GPD1L: variants seen among roughly 807,000 people sequenced by gnomAD.
GPD1L encodes glycerol-3-phosphate dehydrogenase 1-like protein.
A neutral mutation model predicts 32.9 loss-of-function variants in GPD1L; 17 were observed. That is an observed-to-expected ratio of 0.52 (90% CI 0.35 to 0.78). GPD1L has a LOEUF of 0.78. GPD1L is among the 30% of genes least tolerant of loss of function. GPD1L has a pLI of 0.01. For missense variants in GPD1L, 361 were observed against 447.8 expected (o/e 0.81, Z 1.75); for synonymous variants, 187 against 165.9 (o/e 1.13, Z -0.98).
rs1311470307 is a variant in GPD1L, at chr3:32,166,991, G to A, written c.*1081G>A. ...GCAGCAGCATCAGCTTCACTTGTGG[G>A]GGGGTGGGGGAAGGGGCGGTCTCAG... On this transcript the variant is annotated 3_prime_UTR_variant, in exon 8 of 8. Coordinates refer to ENST00000282541, the MANE Select transcript of GPD1L (RefSeq NM_015141.4). 1 of 152,306 alleles carries A rather than the reference G, an allele frequency of 6.6e-6. No homozygotes were observed. The highest frequency in any genetic ancestry group is 2.1e-4 in the South Asian group (1 of 4,830). The allele number at this position is 152,306 out of a possible 1,614,324, so 9.4% of individuals were successfully genotyped here. A position where few individuals can be genotyped will look rare whatever the true frequency, so the allele number is the denominator to read the frequency against.
chr3:32,109,383 C>T (rs181098752), intron 1 of GPD1L, among the ~76,000 whole-genome samples: 180 of 152,318 alleles, frequency 1.2e-3, no homozygotes, highest in Middle Eastern at 3.4e-3. Flanking sequence ...GCCTCCTGCC[C>T]CCTCTGCTGG....
intron 4 of GPD1L, among the ~76,000 whole-genome samples, chr3:32,145,914 T>C (rs1700813770): frequency 6.6e-6 from 1 of 151,886 alleles, no homozygotes; most frequent in Admixed American, 6.6e-5. Flanking sequence ...AAAAGTAGAG[T>C]AGTATCACGA....
intron 5 of GPD1L, among the ~76,000 whole-genome samples, chr3:32,153,092 T>C (rs1173375854): frequency 6.6e-6 from 1 of 152,190 alleles, no homozygotes; most frequent in Admixed American, 6.5e-5. Context: ...CAGCCCGTGG[T>C]ACAGGCTGGT....
intron 7 of GPD1L, among the ~76,000 whole-genome samples, chr3:32,161,741 C>T (rs1384820936): frequency 6.6e-6 from 1 of 152,186 alleles, no homozygotes; most frequent in African/African-American, 2.4e-5. Context: ...CTGCTCTGAG[C>T]AGACATCTCT....
intron 1 of GPD1L, among the ~76,000 whole-genome samples, chr3:32,118,372 T>C (rs1163723761): frequency 6.6e-6 from 1 of 152,206 alleles, no homozygotes; most frequent in East Asian, 1.9e-4. Context: ...TCAATGTGCA[T>C]GTGAATCTCT....
intron 7 of GPD1L, among the ~76,000 whole-genome samples, chr3:32,163,934 T>C (rs577883252): frequency 1.3e-5 from 2 of 152,352 alleles, no homozygotes; most frequent in South Asian, 4.1e-4. Context: ...AGTGATCCTG[T>C]TGGCTTTCCC....
At chr3:32,133,483 T>C (rs1700615709) in intron 2 of GPD1L, among the ~76,000 whole-genome samples, 1 of 152,198 alleles carries the variant, frequency 6.6e-6, no homozygotes, top group East Asian at 1.9e-4. Context: ...ATTCTATAAA[T>C]ACAATTTTAG....
intron 7 of GPD1L, among the ~76,000 whole-genome samples, chr3:32,160,958 G>A (rs541977379): frequency 8.1e-4 from 123 of 152,320 alleles, no homozygotes; most frequent in Non-Finnish European, 1.4e-3. Context: ...TAGGGGAGGG[G>A]AGGTCTTGTT....
chr3:32,108,379 C>T (rs1190075219), intron 1 of GPD1L, among the ~76,000 whole-genome samples: 1 of 152,100 alleles, frequency 6.6e-6, no homozygotes, highest in African/African-American at 2.4e-5. Flanking sequence ...TGGTGGCAGG[C>T]GCCTGTAGTC....
At position 32,146,675 on chromosome 3, in the gene GPD1L, A is replaced by T; in HGVS notation, c.559A>T (p.Asn187Tyr). The T allele has an allele frequency of 6.2e-7, 1 of 1,613,944 alleles. No individual in the cohort carries two copies. The highest frequency in any genetic ancestry group is 1.3e-5 in the African/African-American group (1 of 75,036). Reference protein sequence around the residue: ...LLFKELLQTPNFRITVVDDAD... With the variant: ...LLFKELLQTPYFRITVVDDAD... The stretch of plus-strand genomic sequence containing the variant: ...CTTCAAAGAACTTCTGCAGACTCCA[A>T]ATTTTCGAATTACCGTGGTTGATGA... Residue 187 changes from asparagine (N) to tyrosine (Y), a missense_variant, in exon 5 of 8, where the codon AAT becomes TAT. By Grantham distance (143) the Asn-to-Tyr change is moderately radical (BLOSUM62 -2). Coordinates refer to ENST00000282541, the MANE Select transcript of GPD1L (RefSeq NM_015141.4).
chr3:32,118,834 T>C (rs1700367945), intron 1 of GPD1L, among the ~76,000 whole-genome samples: 1 of 152,228 alleles, frequency 6.6e-6, no homozygotes, highest in South Asian at 2.1e-4. Context: ...TGAATTTGAC[T>C]ACTCTAAGTA....
intron 1 of GPD1L, among the ~76,000 whole-genome samples, chr3:32,114,968 T>C (rs1233373316): frequency 6.6e-6 from 1 of 152,128 alleles, no homozygotes; most frequent in African/African-American, 2.4e-5. Context: ...CTCATAAAGG[T>C]AGTACAGACC....
chr3:32,121,142 C>T (rs1042240972), intron 1 of GPD1L, among the ~76,000 whole-genome samples: 3 of 152,142 alleles, frequency 2.0e-5, no homozygotes, highest in East Asian at 1.9e-4. Context: ...GCCCCTGCCA[C>T]GCCATTTTCT....
chr3:32,115,615 G>A (rs4345104), intron 1 of GPD1L, among the ~76,000 whole-genome samples: 62,740 of 151,918 alleles, frequency 0.41, 14,708 homozygotes, highest in East Asian at 0.64. Context: ...CAGTCCTGGA[G>A]GAGGAGGAGA....
chr3:32,119,297 ATAG>A (rs1700374908), intron 1 of GPD1L, among the ~76,000 whole-genome samples: 1 of 152,184 alleles, frequency 6.6e-6, no homozygotes, highest in Admixed American at 6.5e-5. Context: ...TGTGTTTTTG[ATAG>A]TAGCCATCTA....
At chr3:32,121,216 C>T (rs1161611305) in intron 1 of GPD1L, among the ~76,000 whole-genome samples, 1 of 151,880 alleles carries the variant, frequency 6.6e-6, no homozygotes, top group African/African-American at 2.4e-5. Flanking sequence ...ATTTCTCTTG[C>T]ACTGTCTCCT....
chr3:32,136,777 C>A (rs964934259), intron 2 of GPD1L, among the ~76,000 whole-genome samples: 5 of 151,258 alleles, frequency 3.3e-5, no homozygotes, highest in African/African-American at 1.2e-4. Context: ...TTTTTTTTTC[C>A]CCTGTACCAT....
intron 6 of GPD1L, 92 bp from the exon 7 acceptor site, chr3:32,159,476 A>AG (rs1701045780): frequency 1.1e-6 from 1 of 886,808 alleles, no homozygotes; most frequent in African/African-American, 1.8e-5. Context: ...AAAAAAAAAA[A>AG]AAAAGAAAAA....
At chr3:32,142,771 G>A (rs1308722683) in intron 4 of GPD1L, among the ~76,000 whole-genome samples, 1 of 152,040 alleles carries the variant, frequency 6.6e-6, no homozygotes, top group Non-Finnish European at 1.5e-5. Context: ...GGGTACATTA[G>A]GCTTTTTTGG....
Sources: allele counts gnomAD v4.1 joint callset (sites outside exome capture counted in the v4.1 genomes callset), GRCh38; gene constraint gnomAD v4.1.1; transcripts MANE v1.5; gene names NCBI Gene and HGNC (gene_info 2026-07-23, HGNC 2026-07-21).